Variants in USH2A observed in about 807,000 individuals in gnomAD.
The protein encoded by USH2A is Usher syndrome 2A (autosomal recessive, mild).
A neutral mutation model predicts 538.9 loss-of-function variants in USH2A; 443 were observed. The observed-to-expected ratio is 0.82, with a 90% confidence interval of 0.76 to 0.89. The LOEUF is 0.89. USH2A is among the 40% of genes least tolerant of loss of function. The probability of loss-of-function intolerance (pLI) is 0.00; values close to 1 mark genes in which losing one functional copy is unlikely to be tolerated. For missense variants in USH2A, 6,633 were observed against 6,324.8 expected (o/e 1.05, Z -1.65); for synonymous variants, 2,413 against 2,273.5 (o/e 1.06, Z -1.75).
chr1:216,170,009 A>C (rs986703543), intron 21 of USH2A, among the ~76,000 whole-genome samples: 2 of 152,080 alleles, frequency 1.3e-5, no homozygotes, highest in African/African-American at 4.8e-5. Flanking sequence ...AAGGAAAACA[A>C]ATAGTGGGAC....
At chr1:216,346,909 C>T (rs1394547920) in intron 4 of USH2A, among the ~76,000 whole-genome samples, 4 of 151,582 alleles carry the variant, frequency 2.6e-5, no homozygotes, top group Admixed American at 6.6e-5. Flanking sequence ...TTTGATTAAT[C>T]GGTTTAAAAA....
intron 64 of USH2A, among the ~76,000 whole-genome samples, chr1:215,653,327 TC>T (rs1036771827): frequency 2.6e-5 from 4 of 152,176 alleles, no homozygotes; most frequent in Non-Finnish European, 5.9e-5. Flanking sequence ...AATTCAAAAT[TC>T]CCCATCACTA....
chr1:216,420,262 TA>T (rs1232546218), intron 2 of USH2A, among the ~76,000 whole-genome samples: 1 of 152,116 alleles, frequency 6.6e-6, no homozygotes, highest in African/African-American at 2.4e-5. Flanking sequence ...TTCCCAAGCT[TA>T]CTGAAAATGC....
At chr1:215,855,253 A>G (rs1008447918) in intron 44 of USH2A, among the ~76,000 whole-genome samples, 20 of 152,304 alleles carry the variant, frequency 1.3e-4, no homozygotes, top group African/African-American at 4.8e-4. Flanking sequence ...ATGACTAAAG[A>G]GTCATCCAAA....
At chr1:215,647,804 C>G (rs1287400149) in intron 66 of USH2A, 74 bp from the exon 67 acceptor site, 10 of 1,546,688 alleles carry the variant, frequency 6.5e-6, no homozygotes, top group Non-Finnish European at 8.9e-6. Flanking sequence ...AAAACCAGTT[C>G]TATTTTGTGA....
In USH2A at chr1:216,337,440, T is replaced by A. The variant is rs374238546; in HGVS notation, c.785-9786A>T. Among the ~76,000 whole-genome samples, 21 of 151,582 alleles carry A rather than the reference T, an allele frequency of 1.4e-4. 1 individual carries two copies. The East Asian group carries it at 3.5e-3, about 25-fold the overall frequency. ...ACAGGACCAATCTCACTTGGTAGCA[T>A]AGGCATGAAAATTATATCTCAACAA... On this transcript the variant is annotated intron_variant, in intron 4 of 71. Transcript: ENST00000307340.
chr1:215,676,709 C>A (rs981343290), intron 62 of USH2A, among the ~76,000 whole-genome samples: 6 of 152,198 alleles, frequency 3.9e-5, no homozygotes, highest in Non-Finnish European at 7.3e-5. Flanking sequence ...AGACCACCCC[C>A]ATGTGGGAAG....
At chr1:216,032,736 G>T (rs1332002963) in intron 32 of USH2A, among the ~76,000 whole-genome samples, 5 of 152,106 alleles carry the variant, frequency 3.3e-5, no homozygotes, top group African/African-American at 9.7e-5. Flanking sequence ...GAGATGGAGG[G>T]AGCCATGTGA....
At chr1:216,004,043 G>T (rs1465951034) in intron 32 of USH2A, among the ~76,000 whole-genome samples, 1 of 152,148 alleles carries the variant, frequency 6.6e-6, no homozygotes, top group Non-Finnish European at 1.5e-5. Context: ...TGACTCCAAG[G>T]CTTTTGACCT....
chr1:216,325,679 T>C, intron 5 of USH2A, 80 bp from the exon 6 acceptor site: 3 of 1,381,732 alleles, frequency 2.2e-6, no homozygotes, highest in Non-Finnish European at 3.0e-6. Context: ...CAAATGAATG[T>C]CACTCGTTTA....
intron 5 of USH2A, among the ~76,000 whole-genome samples, chr1:216,326,509 G>A (rs370322650): frequency 1.1e-3 from 172 of 152,230 alleles, no homozygotes; most frequent in Non-Finnish European, 1.4e-3. Flanking sequence ...ATAGAATCCA[G>A]TATAAAATCT....
chr1:216,043,856 G>A (rs1471749010), intron 32 of USH2A, among the ~76,000 whole-genome samples: 1 of 152,030 alleles, frequency 6.6e-6, no homozygotes, highest in Non-Finnish European at 1.5e-5. Context: ...TGCAGCTTTC[G>A]TTTAGGCGCA....
At chr1:216,057,706 G>A (rs915925321) in intron 30 of USH2A, among the ~76,000 whole-genome samples, 3 of 151,480 alleles carry the variant, frequency 2.0e-5, no homozygotes, top group Non-Finnish European at 1.5e-5. Context: ...AAAAAAGTTC[G>A]TAATAAACTA....
chr1:216,046,737 G>A, intron 31 of USH2A, 145 bp from the exon 32 acceptor site: 3 of 948,822 alleles, frequency 3.2e-6, no homozygotes, highest in South Asian at 3.0e-5. Context: ...GTCAGTAATT[G>A]CTTTAGGAAC....
chr1:216,222,331 T>C, intron 14 of USH2A, among the ~76,000 whole-genome samples: 1 of 152,170 alleles, frequency 6.6e-6, no homozygotes, highest in East Asian at 1.9e-4. Context: ...AGAATTAACA[T>C]TGGTGTGCTC....
intron 21 of USH2A, among the ~76,000 whole-genome samples, chr1:216,172,059 G>A (rs1442804956): frequency 6.6e-6 from 1 of 151,980 alleles, no homozygotes; most frequent in African/African-American, 2.4e-5. Flanking sequence ...TTTATTTACA[G>A]TATTAAGCTT....
intron 32 of USH2A, among the ~76,000 whole-genome samples, chr1:216,009,743 C>T (rs1327758714): frequency 6.6e-6 from 1 of 152,170 alleles, no homozygotes; most frequent in African/African-American, 2.4e-5. Context: ...CTCCTCCACC[C>T]TATAATCCTT....
intron 11 of USH2A, among the ~76,000 whole-genome samples, chr1:216,285,911 T>A (rs2036874016): frequency 6.6e-6 from 1 of 152,250 alleles, no homozygotes; most frequent in Non-Finnish European, 1.5e-5. Flanking sequence ...CTATTTGGAA[T>A]GTGTGTAGTT....
intron 64 of USH2A, among the ~76,000 whole-genome samples, chr1:215,659,781 G>T (rs1657386809): frequency 6.6e-6 from 1 of 152,114 alleles, no homozygotes; most frequent in Non-Finnish European, 1.5e-5. Flanking sequence ...TCTTCACAGG[G>T]TCAGGAATTT....
Sources: gnomAD v4.1 joint callset for allele counts (sites outside exome capture counted in the v4.1 genomes callset) on GRCh38, gnomAD v4.1.1 for gene constraint, MANE v1.5 for transcripts, NCBI Gene and HGNC (gene_info 2026-07-23, HGNC 2026-07-21) for gene names.